KCNIP4: variants seen among roughly 807,000 people sequenced by gnomAD.
The protein encoded by KCNIP4 is potassium voltage-gated channel interacting protein 4, also known as Kv channel-interacting protein 4.
KCNIP4 carries 12 observed loss-of-function variants against 34.0 expected under a neutral mutation model. That is an observed-to-expected ratio of 0.35 (90% CI 0.23 to 0.57). The LOEUF is 0.57. Among genes scored for constraint, KCNIP4 ranks in the 20% least tolerant of loss-of-function variants. KCNIP4 has a pLI of 0.83. For synonymous variants in KCNIP4, 124 were observed against 102.2 expected (o/e 1.21, Z -1.29); for missense variants, 238 against 311.7 (o/e 0.76, Z 1.78).
intron 1 of KCNIP4, among the ~76,000 whole-genome samples, chr4:20,985,150 A>G (rs1199988072): frequency 6.6e-6 from 1 of 152,168 alleles, no homozygotes; most frequent in Non-Finnish European, 1.5e-5. Context: ...TGTGAGTAAT[A>G]TCTCAGACCT....
At chr4:21,828,819 G>C (rs542768687) in intron 1 of KCNIP4, among the ~76,000 whole-genome samples, 3 of 151,958 alleles carry the variant, frequency 2.0e-5, no homozygotes, top group Non-Finnish European at 4.4e-5. Context: ...CCCAAGGAGA[G>C]TTTACCACGA....
At chr4:21,660,455 T>G (rs2108988610) in intron 1 of KCNIP4, among the ~76,000 whole-genome samples, 1 of 152,302 alleles carries the variant, frequency 6.6e-6, no homozygotes, top group South Asian at 2.1e-4. Context: ...TAACATATTT[T>G]TACTTTCCAT....
intron 1 of KCNIP4, among the ~76,000 whole-genome samples, chr4:21,384,191 T>C (rs1408879595): frequency 6.6e-6 from 1 of 152,206 alleles, no homozygotes; most frequent in Non-Finnish European, 1.5e-5. Flanking sequence ...CACTCCTCTA[T>C]GGAATTATGT....
chr4:21,183,412 T>C (rs1754988053), intron 1 of KCNIP4, among the ~76,000 whole-genome samples: 2 of 152,078 alleles, frequency 1.3e-5, no homozygotes, highest in African/African-American at 4.8e-5. Context: ...ATGGAATTTC[T>C]ATTTTTAATT....
chr4:21,413,804 A>G (rs1353631114), intron 1 of KCNIP4, among the ~76,000 whole-genome samples: 4 of 152,224 alleles, frequency 2.6e-5, no homozygotes, highest in Non-Finnish European at 5.9e-5. Flanking sequence ...GAGGAAAGTT[A>G]GAGTTTACGT....
intron 1 of KCNIP4, among the ~76,000 whole-genome samples, chr4:21,791,819 T>G (rs1395549563): frequency 1.3e-5 from 2 of 151,906 alleles, no homozygotes; most frequent in African/African-American, 4.8e-5. Flanking sequence ...CTGGCCAACA[T>G]GGTGAAACCC....
At chr4:21,699,188 A>G (rs1712626720) in intron 1 of KCNIP4, among the ~76,000 whole-genome samples, 1 of 152,218 alleles carries the variant, frequency 6.6e-6, no homozygotes, top group African/African-American at 2.4e-5. Context: ...AAGTGGGAAT[A>G]GAATGCATAT....
At chr4:20,997,464 T>G (rs1737660096) in intron 1 of KCNIP4, among the ~76,000 whole-genome samples, 1 of 152,242 alleles carries the variant, frequency 6.6e-6, no homozygotes, top group African/African-American at 2.4e-5. Flanking sequence ...GGACGTATTC[T>G]TCAACATTTC....
At chr4:21,456,585 GA>G (rs1236350200) in intron 1 of KCNIP4, among the ~76,000 whole-genome samples, 1 of 147,792 alleles carries the variant, frequency 6.8e-6, no homozygotes, top group East Asian at 1.9e-4. Context: ...TTTATAAGAT[GA>G]ATTACAATAA....
intron 1 of KCNIP4, among the ~76,000 whole-genome samples, chr4:21,373,355 T>TA (rs148611917): frequency 0.14 from 20,568 of 146,428 alleles, 2,211 homozygotes; most frequent in East Asian, 0.18. Flanking sequence ...AGATAAAATA[T>TA]AAAAAAAATT....
intron 3 of KCNIP4, among the ~76,000 whole-genome samples, chr4:20,782,671 C>A (rs571829285): frequency 2.0e-5 from 3 of 152,242 alleles, no homozygotes; most frequent in Admixed American, 6.5e-5. Flanking sequence ...TGGGCTCTTC[C>A]CAACGAAACC....
intron 1 of KCNIP4, among the ~76,000 whole-genome samples, chr4:21,118,449 T>G (rs1396277999): frequency 6.6e-6 from 1 of 152,208 alleles, no homozygotes. Context: ...TCAGCTTCCC[T>G]GTGCCAACAA....
intron 1 of KCNIP4, among the ~76,000 whole-genome samples, chr4:21,327,249 C>T (rs1177721600): frequency 2.0e-5 from 3 of 152,088 alleles, no homozygotes; most frequent in East Asian, 1.9e-4. Context: ...GTGTTGATAA[C>T]ATTCCTCAGC....
In KCNIP4 at chr4:20,788,793, A is replaced by C. The variant is rs187540877; in HGVS notation, c.289-29903T>G. 1.1e-4 allele frequency among the ~76,000 whole-genome samples: 17 copies of C among 152,276 alleles called. No homozygotes were observed. The East Asian group carries it at 3.1e-3, about 28-fold the overall frequency. On this transcript the variant is annotated intron_variant, in intron 3 of 8. Coordinates refer to ENST00000382152, the MANE Select transcript of KCNIP4 (RefSeq NM_025221.6). ...AGTATGTAGTTGGTGAATTCAGAGC[A>C]AACAAAAATGGAAAATTACACCTTC... is the stretch of plus-strand genomic sequence containing the variant.
intron 1 of KCNIP4, among the ~76,000 whole-genome samples, chr4:21,732,157 C>T (rs986129226): frequency 4.6e-5 from 7 of 151,572 alleles, no homozygotes; most frequent in South Asian, 2.1e-4. Context: ...TGTAATGTGC[C>T]CAGTAATGAG....
intron 1 of KCNIP4, among the ~76,000 whole-genome samples, chr4:21,038,325 C>G (rs566711386): frequency 6.6e-6 from 1 of 152,286 alleles, no homozygotes; most frequent in Admixed American, 6.5e-5. Flanking sequence ...CAGATTATCA[C>G]TAAATTTAAC....
intron 1 of KCNIP4, among the ~76,000 whole-genome samples, chr4:21,165,449 C>CAAAAAAAAA (rs1161082468): frequency 1.6e-3 from 1 of 622 alleles, no homozygotes; most frequent in Non-Finnish European, 2.5e-3. Context: ...TTGAAAGCAT[C>CAAAAAAAAA]AAAAAAAAAA....
intron 1 of KCNIP4, among the ~76,000 whole-genome samples, chr4:21,458,661 C>G (rs1047278798): frequency 5.3e-5 from 8 of 151,990 alleles, no homozygotes; most frequent in South Asian, 2.1e-4. Flanking sequence ...CCTAAAAAAG[C>G]CCTCAATGCT....
chr4:21,763,861 G>A (rs956096842), intron 1 of KCNIP4, among the ~76,000 whole-genome samples: 7 of 152,066 alleles, frequency 4.6e-5, no homozygotes, highest in African/African-American at 1.7e-4. Flanking sequence ...AAAATTCTCA[G>A]GTTTGCTTGT....
Sources: allele counts gnomAD v4.1 joint callset (sites outside exome capture counted in the v4.1 genomes callset), GRCh38; gene constraint gnomAD v4.1.1; transcripts MANE v1.5; gene names NCBI Gene and HGNC (gene_info 2026-07-23, HGNC 2026-07-21).